OPCML: variants seen among roughly 807,000 people sequenced by gnomAD.
OPCML encodes the protein opioid binding protein/cell adhesion molecule like.
Under a neutral mutation model 37.8 loss-of-function variants are expected in OPCML, and 13 were observed. The ratio of observed to expected loss-of-function variants is 0.34; its 90% CI spans 0.22 to 0.55. OPCML has a LOEUF of 0.55. OPCML is among the 20% of genes least tolerant of loss of function. OPCML has a pLI of 0.91. For synonymous variants in OPCML, 176 were observed against 168.8 expected, an observed-to-expected ratio of 1.04 and a Z score of -0.33; for missense variants, 341 against 435.6, an observed-to-expected ratio of 0.78 and a Z score of 1.93.
At chr11:132,619,694 A>AG (rs1939278117) in intron 3 of OPCML, among the ~76,000 whole-genome samples, 1 of 150,976 alleles carries the variant, frequency 6.6e-6, no homozygotes. Flanking sequence ...AAAAAAAAAA[A>AG]AAAAAAAATT....
chr11:132,682,899 A>T (rs1214264507), intron 2 of OPCML, among the ~76,000 whole-genome samples: 1 of 152,222 alleles, frequency 6.6e-6, no homozygotes, highest in Admixed American at 6.5e-5. Context: ...TGTCACCAGC[A>T]GGTGCCTTCT....
chr11:133,314,489 T>C (rs1288169252), intron 1 of OPCML, among the ~76,000 whole-genome samples: 1 of 151,728 alleles, frequency 6.6e-6, no homozygotes, highest in Non-Finnish European at 1.5e-5. Flanking sequence ...GATTGGCTTC[T>C]GCACACTATT....
intron 3 of OPCML, among the ~76,000 whole-genome samples, chr11:132,584,465 A>G (rs2096468355): frequency 6.6e-6 from 1 of 152,148 alleles, no homozygotes; most frequent in South Asian, 2.1e-4. Flanking sequence ...CTTTTTTGAT[A>G]AATTTAAGTG....
intron 4 of OPCML, among the ~76,000 whole-genome samples, chr11:132,469,808 GTTTGTGTGGTGTGTGTATGTGT>G: frequency 1.0e-5 from 1 of 95,800 alleles, no homozygotes; most frequent in East Asian, 6.5e-4. Context: ...GTGTGTGTGT[GTTTGTGTGGTGTGTGTATGTGT>G]GTGGGGGGCT....
intron 1 of OPCML, among the ~76,000 whole-genome samples, chr11:133,104,068 T>C (rs1231115208): frequency 6.6e-6 from 1 of 152,256 alleles, no homozygotes; most frequent in Non-Finnish European, 1.5e-5. Context: ...TGTACAGCTC[T>C]GTCTCCCTGC....
intron 2 of OPCML, among the ~76,000 whole-genome samples, chr11:132,893,777 T>C (rs1261559954): frequency 1.3e-5 from 2 of 152,256 alleles, no homozygotes. Flanking sequence ...AGTCAAAATA[T>C]AGAAAGAATT....
At chr11:133,457,290 T>A (rs1280301955) in intron 1 of OPCML, among the ~76,000 whole-genome samples, 1 of 152,148 alleles carries the variant, frequency 6.6e-6, no homozygotes, top group Non-Finnish European at 1.5e-5. Flanking sequence ...TCTAGCACTT[T>A]GGGAGCCCAA....
At chr11:132,928,660 A>C (rs1322861593) in intron 2 of OPCML, among the ~76,000 whole-genome samples, 2 of 152,084 alleles carry the variant, frequency 1.3e-5, no homozygotes, top group African/African-American at 2.4e-5. Flanking sequence ...CAGCAAAGGC[A>C]GAAAACACAT....
At chr11:133,106,769 A>C (rs1473652849) in intron 1 of OPCML, among the ~76,000 whole-genome samples, 2 of 152,230 alleles carry the variant, frequency 1.3e-5, no homozygotes, top group Non-Finnish European at 1.5e-5. Context: ...GTAAATATAC[A>C]CTACATAAAC....
intron 1 of OPCML, among the ~76,000 whole-genome samples, chr11:132,948,809 G>A (rs903488895): frequency 1.3e-5 from 2 of 152,030 alleles, no homozygotes; most frequent in Non-Finnish European, 2.9e-5. Flanking sequence ...ACATGATAAC[G>A]ATTTGTGACA....
At chr11:133,290,445 C>A (rs909922039) in intron 1 of OPCML, among the ~76,000 whole-genome samples, 5 of 152,140 alleles carry the variant, frequency 3.3e-5, no homozygotes, top group Admixed American at 1.3e-4. Context: ...TACTCTCCCC[C>A]GTAAGGACCA....
intron 2 of OPCML, among the ~76,000 whole-genome samples, chr11:132,935,997 C>A (rs1945355523): frequency 6.6e-6 from 1 of 152,136 alleles, no homozygotes; most frequent in South Asian, 2.1e-4. Context: ...CATCCATGAT[C>A]CCCCTGGACA....
intron 2 of OPCML, among the ~76,000 whole-genome samples, chr11:132,673,816 C>A (rs1942581017): frequency 6.6e-6 from 1 of 152,006 alleles, no homozygotes; most frequent in African/African-American, 2.4e-5. Flanking sequence ...AGAATTGGGG[C>A]CAAAAACTGA....
At chr11:132,616,344 C>T (rs1379627895) in intron 3 of OPCML, among the ~76,000 whole-genome samples, 3 of 152,138 alleles carry the variant, frequency 2.0e-5, no homozygotes, top group African/African-American at 7.2e-5. Context: ...AAATTCTTCC[C>T]AAAGTTAGTT....
chr11:132,637,268 T>C (rs1421559358), intron 3 of OPCML, among the ~76,000 whole-genome samples: 6 of 152,124 alleles, frequency 3.9e-5, no homozygotes, highest in African/African-American at 9.7e-5. Flanking sequence ...ACCGTTTTTT[T>C]CCAATCCTGG....
chr11:132,542,680 C>G (rs1779168257), intron 3 of OPCML, among the ~76,000 whole-genome samples: 1 of 152,202 alleles, frequency 6.6e-6, no homozygotes, highest in Admixed American at 6.5e-5. Context: ...GGCTGCAGGT[C>G]TCTGTTGTGT....
chr11:132,422,443 T>C (rs1178777916), intron 7 of OPCML, among the ~76,000 whole-genome samples: 1 of 152,048 alleles, frequency 6.6e-6, no homozygotes, highest in Non-Finnish European at 1.5e-5. Context: ...GCTTGGTGCT[T>C]ACTGGGTGGA....
intron 1 of OPCML, among the ~76,000 whole-genome samples, chr11:133,107,883 C>T (rs1351953449): frequency 6.6e-6 from 1 of 152,188 alleles, no homozygotes; most frequent in African/African-American, 2.4e-5. Flanking sequence ...GTACTCGAGA[C>T]AGAGGGAGGT....
chr11:133,131,193 G>T (rs1416052162), intron 1 of OPCML, among the ~76,000 whole-genome samples: 1 of 152,170 alleles, frequency 6.6e-6, no homozygotes, highest in East Asian at 1.9e-4. Context: ...TTTGATCTTG[G>T]ACTTCCCATA....
Sources: allele counts gnomAD v4.1 joint callset (sites outside exome capture counted in the v4.1 genomes callset), GRCh38; gene constraint gnomAD v4.1.1; transcripts MANE v1.5; gene names NCBI Gene and HGNC (gene_info 2026-07-23, HGNC 2026-07-21).